Variants in NLGN1 observed in about 807,000 individuals in gnomAD.
NLGN1 encodes neuroligin 1, also known as neuroligin-1.
NLGN1 carries 12 observed loss-of-function variants against 65.5 expected under a neutral mutation model. The ratio of observed to expected loss-of-function variants is 0.18; its 90% CI spans 0.12 to 0.30. The LOEUF (loss-of-function observed/expected upper bound fraction) is 0.30, where lower values mean the gene tolerates loss of function less well. Ranked by LOEUF, NLGN1 falls within the 10% of genes least tolerant of loss-of-function variation. The pLI, the probability that NLGN1 is intolerant of heterozygous loss-of-function variation, is 1.00. For missense variants in NLGN1, 750 were observed against 1,007.1 expected, an observed-to-expected ratio of 0.74 and a Z score of 3.46; for synonymous variants, 350 against 359.5, an observed-to-expected ratio of 0.97 and a Z score of 0.30.
chr3:173,413,920 G>C (rs1330383452), intron 1 of NLGN1, among the ~76,000 whole-genome samples: 1 of 152,182 alleles, frequency 6.6e-6, no homozygotes, highest in African/African-American at 2.4e-5. Flanking sequence ...GACTAGTGAA[G>C]GTAGAAGAGA....
chr3:174,176,361 G>T (rs971668900), intron 4 of NLGN1, among the ~76,000 whole-genome samples: 19 of 151,762 alleles, frequency 1.3e-4, no homozygotes, highest in African/African-American at 4.4e-4. Flanking sequence ...AATTTTTACT[G>T]TCATTGGTTA....
chr3:173,605,414 T>G, intron 3 of NLGN1, 120 bp from the exon 3 acceptor site: 1 of 451,916 alleles, frequency 2.2e-6, no homozygotes, highest in Non-Finnish European at 3.9e-6. Flanking sequence ...GCTCAACGAA[T>G]TGGGGATCTT....
At chr3:173,993,919 T>A (rs1204241565) in intron 4 of NLGN1, among the ~76,000 whole-genome samples, 1 of 150,830 alleles carries the variant, frequency 6.6e-6, no homozygotes, top group Non-Finnish European at 1.5e-5. Flanking sequence ...TGTATATGAG[T>A]GTGTGTGTGT....
intron 3 of NLGN1, among the ~76,000 whole-genome samples, chr3:173,620,480 AG>A (rs2060084229): frequency 6.6e-6 from 1 of 152,124 alleles, no homozygotes; most frequent in East Asian, 1.9e-4. Flanking sequence ...AAGGCAGGAT[AG>A]GGAAGACAGT....
At chr3:173,449,312 C>T (rs915326225) in intron 2 of NLGN1, among the ~76,000 whole-genome samples, 2 of 152,016 alleles carry the variant, frequency 1.3e-5, no homozygotes, top group African/African-American at 2.4e-5. Context: ...GCCTTCATTT[C>T]ATTATGTACG....
chr3:173,804,564 A>C (rs11924969), intron 3 of NLGN1, among the ~76,000 whole-genome samples: 2,391 of 151,770 alleles, frequency 0.016, 76 homozygotes, highest in African/African-American at 0.055. Context: ...ATGGTAGGCT[A>C]TCTGATATAT....
chr3:174,063,830 T>G (rs1035204385), intron 4 of NLGN1, among the ~76,000 whole-genome samples: 2 of 152,106 alleles, frequency 1.3e-5, no homozygotes, highest in African/African-American at 4.8e-5. Context: ...GTTTTGAAAT[T>G]TTTAATAGTA....
At chr3:173,789,974 T>A (rs1192112383) in intron 3 of NLGN1, 1 of 442,292 alleles carries the variant, frequency 2.3e-6, no homozygotes, top group African/African-American at 2.0e-5. Context: ...TGTCTTTTTT[T>A]AATCCTTTGT....
chr3:173,958,786 T>G (rs1432158215), intron 4 of NLGN1, among the ~76,000 whole-genome samples: 1 of 152,182 alleles, frequency 6.6e-6, no homozygotes, highest in African/African-American at 2.4e-5. Flanking sequence ...AGGCTGTTCA[T>G]GCTGAGAGAT....
At chr3:173,482,936 G>C (rs1727540213) in intron 2 of NLGN1, among the ~76,000 whole-genome samples, 1 of 151,864 alleles carries the variant, frequency 6.6e-6, no homozygotes, top group South Asian at 2.1e-4. Context: ...CTTTCTCATT[G>C]GTAGGAATAA....
At chr3:173,636,088 A>C (rs991531331) in intron 3 of NLGN1, among the ~76,000 whole-genome samples, 2 of 152,158 alleles carry the variant, frequency 1.3e-5, no homozygotes, top group Non-Finnish European at 2.9e-5. Flanking sequence ...TCGTTTTTAC[A>C]GTTCTATGAA....
In NLGN1 at chr3:173,612,754, G is replaced by A. The variant is rs148680409; in HGVS notation, c.493+7663G>A. On this transcript the variant is annotated intron_variant, in intron 3 of 6. Transcript: ENST00000457714. ...AACAAAGTACCACAAACTGGGTAGC[G>A]TAAACAGCAGAATTGTTGTTGTTTT... Among the ~76,000 whole-genome samples, 440 of 152,186 alleles carry A rather than the reference G, an allele frequency of 2.9e-3. 1 individual carries two copies. Among genetic ancestry groups the A allele is most frequent in the Middle Eastern group, 0.014 (4 of 294 alleles).
At chr3:174,028,906 C>G (rs1250829955) in intron 4 of NLGN1, among the ~76,000 whole-genome samples, 1 of 152,142 alleles carries the variant, frequency 6.6e-6, no homozygotes, top group Non-Finnish European at 1.5e-5. Flanking sequence ...TTTGTGCGGT[C>G]TCAAGACTTA....
At chr3:174,049,908 G>C (rs1229254716) in intron 4 of NLGN1, among the ~76,000 whole-genome samples, 1 of 151,990 alleles carries the variant, frequency 6.6e-6, no homozygotes, top group Non-Finnish European at 1.5e-5. Context: ...GAGTGGAAGG[G>C]AAATAGATGA....
intron 4 of NLGN1, among the ~76,000 whole-genome samples, chr3:174,225,966 G>T (rs1157947051): frequency 6.6e-6 from 1 of 151,982 alleles, no homozygotes; most frequent in Non-Finnish European, 1.5e-5. Flanking sequence ...ATAGCAGAAA[G>T]ATCTAATTTT....
At chr3:174,076,724 AGTGTGTGTGTGTGTGT>A (rs143103332) in intron 4 of NLGN1, among the ~76,000 whole-genome samples, 2 of 82,042 alleles carry the variant, frequency 2.4e-5, no homozygotes, top group Admixed American at 2.7e-4. Flanking sequence ...AGAGAGAGAG[AGTGTGTGTGTGTGTGT>A]GTGTGTGTGT....
chr3:173,879,020 G>A (rs1732720762), intron 4 of NLGN1, among the ~76,000 whole-genome samples: 1 of 152,056 alleles, frequency 6.6e-6, no homozygotes, highest in African/African-American at 2.4e-5. Context: ...ATCACCTGAG[G>A]TCAGGAGTTC....
chr3:173,873,972 A>G (rs1264420853), intron 4 of NLGN1, among the ~76,000 whole-genome samples: 1 of 152,182 alleles, frequency 6.6e-6, no homozygotes, highest in Non-Finnish European at 1.5e-5. Context: ...AGTAAAATAT[A>G]GACAACACAC....
At chr3:173,864,399 C>T (rs945737431) in intron 4 of NLGN1, among the ~76,000 whole-genome samples, 16 of 152,124 alleles carry the variant, frequency 1.1e-4, no homozygotes, top group Admixed American at 3.9e-4. Context: ...TGACAAATTT[C>T]TTTCCCGTAA....
Sources: allele counts gnomAD v4.1 joint callset (sites outside exome capture counted in the v4.1 genomes callset), GRCh38; gene constraint gnomAD v4.1.1; transcripts MANE v1.5; gene names NCBI Gene and HGNC (gene_info 2026-07-23, HGNC 2026-07-21).